Variants in EBF2 observed in about 807,000 individuals in gnomAD.
EBF2 encodes the protein transcription factor COE2.
Under a neutral mutation model 72.8 loss-of-function variants are expected in EBF2, and 21 were observed. That is an observed-to-expected ratio of 0.29 (90% confidence interval 0.20 to 0.42). EBF2 has a LOEUF of 0.42. EBF2 is among the 10% of genes least tolerant of loss of function. The pLI, the probability that EBF2 is intolerant of heterozygous loss-of-function variation, is 1.00. For synonymous variants in EBF2, 299 were observed against 274.2 expected (o/e 1.09, Z -0.89); for missense variants, 637 against 731.2 (o/e 0.87, Z 1.49).
intron 6 of EBF2, among the ~76,000 whole-genome samples, chr8:25,934,189 G>A (rs1803533077): frequency 2.0e-5 from 3 of 149,858 alleles, no homozygotes; most frequent in African/African-American, 7.4e-5. Context: ...CCAGGTGAAG[G>A]ACCAGGCTGC....
intron 10 of EBF2, among the ~76,000 whole-genome samples, chr8:25,876,666 G>C (rs1802526823): frequency 6.6e-6 from 1 of 152,088 alleles, no homozygotes; most frequent in African/African-American, 2.4e-5. Context: ...AGATGGCCTT[G>C]GTATCGTGTT....
At chr8:26,013,614 T>C (rs999351459) in intron 6 of EBF2, among the ~76,000 whole-genome samples, 2 of 152,046 alleles carry the variant, frequency 1.3e-5, no homozygotes, top group Admixed American at 1.3e-4. Flanking sequence ...AATAGCAAAT[T>C]GAGGTGCTCC....
chr8:25,872,706 C>A (rs966433626), intron 10 of EBF2, among the ~76,000 whole-genome samples: 4 of 137,142 alleles, frequency 2.9e-5, no homozygotes, highest in South Asian at 2.5e-4. Flanking sequence ...ACAACAACAA[C>A]AACAACAAAC....
At chr8:25,956,087 T>C (rs1479188895) in intron 6 of EBF2, among the ~76,000 whole-genome samples, 2 of 152,184 alleles carry the variant, frequency 1.3e-5, no homozygotes, top group Non-Finnish European at 2.9e-5. Context: ...TGTGTAGGTC[T>C]GCACAGGGAT....
chr8:25,908,337 T>C, intron 7 of EBF2, 137 bp downstream of exon 7: 1 of 663,566 alleles, frequency 1.5e-6, no homozygotes. Context: ...CTGAGGGTCA[T>C]CGTTTACCAT....
intron 6 of EBF2, among the ~76,000 whole-genome samples, chr8:25,925,532 A>AC (rs1803371556): frequency 6.6e-6 from 1 of 152,034 alleles, no homozygotes; most frequent in Non-Finnish European, 1.5e-5. Context: ...GTATGCTCTC[A>AC]CCCCCCAACC....
At chr8:25,959,529 G>A (rs1366050918) in intron 6 of EBF2, among the ~76,000 whole-genome samples, 1 of 152,198 alleles carries the variant, frequency 6.6e-6, no homozygotes, top group East Asian at 1.9e-4. Context: ...ATAAGCAAAT[G>A]AATTGTGGTG....
At chr8:25,864,985 T>A (rs1241980115) in intron 10 of EBF2, among the ~76,000 whole-genome samples, 2 of 152,004 alleles carry the variant, frequency 1.3e-5, no homozygotes, top group East Asian at 3.9e-4. Flanking sequence ...GCATTTTTAG[T>A]AGAGGCAGGG....
intron 10 of EBF2, among the ~76,000 whole-genome samples, chr8:25,863,786 A>C (rs1802253267): frequency 6.6e-6 from 1 of 152,180 alleles, no homozygotes; most frequent in Non-Finnish European, 1.5e-5. Flanking sequence ...AAATTACCAT[A>C]AACCCACTTA....
At chr8:26,034,100 A>G (rs895123243) in intron 5 of EBF2, among the ~76,000 whole-genome samples, 5 of 152,250 alleles carry the variant, frequency 3.3e-5, no homozygotes, top group African/African-American at 1.2e-4. Context: ...AATAGACTGC[A>G]AGTGGCTGCC....
chr8:25,952,349 G>A (rs1803877037), intron 6 of EBF2, among the ~76,000 whole-genome samples: 1 of 151,448 alleles, frequency 6.6e-6, no homozygotes, highest in South Asian at 2.1e-4. Flanking sequence ...TTTTTTGTTG[G>A]CCTATTGTAA....
intron 6 of EBF2, among the ~76,000 whole-genome samples, chr8:25,943,688 G>C (rs971046630): frequency 6.6e-6 from 1 of 151,958 alleles, no homozygotes; most frequent in African/African-American, 2.4e-5. Flanking sequence ...AAAACTCCTC[G>C]TCCCTTAAAA....
In EBF2 at chr8:25,842,875, G is replaced by A. The variant is rs1369703244; in HGVS notation, c.*1734C>T. ...ATGCACTCATGATGTTTTTCCATGA[G>A]TGCTGCATCTATTTCTAATGCTGAA... On this transcript the variant is annotated 3_prime_UTR_variant, in exon 16 of 16. Transcript: ENST00000520164. 6.6e-6 allele frequency: 1 copy of A among 152,162 alleles called. No individual in the cohort carries two copies. Among genetic ancestry groups the A allele is most frequent in the Non-Finnish European group, 1.5e-5 (1 of 68,034 alleles). The allele number at this position is 152,162 out of a possible 1,614,324, so 9.4% of individuals were successfully genotyped here.
At chr8:25,939,437 GTGTT>G (rs549543619) in intron 6 of EBF2, among the ~76,000 whole-genome samples, 10 of 152,296 alleles carry the variant, frequency 6.6e-5, no homozygotes, top group South Asian at 4.1e-4. Flanking sequence ...GCGTCCGTGT[GTGTT>G]TGTGTGTGCA....
rs1220986580 is a variant in EBF2, at chr8:26,044,951, C to T, written c.-92G>A. On this transcript the variant is annotated 5_prime_UTR_variant, in exon 1 of 16. Transcript: ENST00000520164. The surrounding 1 kb of genome is among the most constrained non-coding windows in gnomAD (Gnocchi z 4.1). ...AACGTTGCCAGCAAATCGTCTCCTC[C>T]AAAGCAATCCAAGAAAAGGGATCAA... 1.4e-6 allele frequency: 2 copies of T among 1,387,406 alleles called. No individual in the cohort carries two copies. The highest frequency in any genetic ancestry group is 2.9e-5 in the African/African-American group (2 of 69,414). The allele number at this position is 1,387,406 out of a possible 1,614,324, so 85.9% of individuals were successfully genotyped here.
chr8:25,918,161 C>T (rs966532417), intron 6 of EBF2, among the ~76,000 whole-genome samples: 3 of 152,188 alleles, frequency 2.0e-5, no homozygotes, highest in Admixed American at 6.5e-5. Flanking sequence ...AGAGTGTGGG[C>T]TTCTCCTGGC....
At chr8:25,882,681 G>A (rs984799321) in intron 10 of EBF2, among the ~76,000 whole-genome samples, 3 of 152,222 alleles carry the variant, frequency 2.0e-5, no homozygotes, top group African/African-American at 7.2e-5. Flanking sequence ...ATAGATGGGG[G>A]AAAAGGAGGT....
chr8:25,941,470 C>A (rs1042703008), intron 6 of EBF2, among the ~76,000 whole-genome samples: 4 of 152,092 alleles, frequency 2.6e-5, no homozygotes, highest in Admixed American at 2.6e-4. Context: ...CCTCCCAAAG[C>A]GCTGCGATTA....
chr8:25,927,402 A>G (rs1300687977), intron 6 of EBF2, among the ~76,000 whole-genome samples: 1 of 150,310 alleles, frequency 6.7e-6, no homozygotes, highest in African/African-American at 2.4e-5. Context: ...CATCATGTAT[A>G]TTATATATCA....
Sources: gnomAD v4.1 joint callset for allele counts (sites outside exome capture counted in the v4.1 genomes callset) on GRCh38, gnomAD v4.1.1 for gene constraint, Gnocchi (gnomAD v3.1) non-coding constraint, MANE v1.5 for transcripts, NCBI Gene and HGNC (gene_info 2026-07-23, HGNC 2026-07-21) for gene names.